Variants in RARB observed in about 807,000 individuals in gnomAD.
The protein encoded by RARB is retinoic acid receptor beta, also known as HBV-activated protein.
Under a neutral mutation model 51.9 loss-of-function variants are expected in RARB, and 17 were observed. That is an observed-to-expected ratio of 0.33 (90% CI 0.22 to 0.49). The LOEUF (loss-of-function observed/expected upper bound fraction) is 0.49, where lower values mean the gene tolerates loss of function less well. RARB is among the 20% of genes least tolerant of loss of function. The pLI, the probability that RARB is intolerant of heterozygous loss-of-function variation, is 0.99. For synonymous variants in RARB, 215 were observed against 195.4 expected (o/e 1.10, Z -0.84); for missense variants, 369 against 550.8 (o/e 0.67, Z 3.30).
chr3:25,051,190 T>A (rs1371514180), intron 2 of RARB, among the ~76,000 whole-genome samples: 1 of 152,110 alleles, frequency 6.6e-6, no homozygotes, highest in African/African-American at 2.4e-5. Context: ...AAGCAGGTGT[T>A]GAGATAAAGC....
intron 3 of RARB, among the ~76,000 whole-genome samples, chr3:25,535,399 G>C (rs1699098340): frequency 6.8e-6 from 1 of 147,392 alleles, no homozygotes; most frequent in African/African-American, 2.6e-5. Flanking sequence ...TCATGTCTCT[G>C]TGTCCTTATC....
intron 1 of RARB, among the ~76,000 whole-genome samples, chr3:24,830,807 G>C (rs554494379): frequency 1.3e-5 from 2 of 151,926 alleles, no homozygotes; most frequent in Non-Finnish European, 2.9e-5. Context: ...ATAAGAAACC[G>C]AATGGGAGAG....
intron 1 of RARB, among the ~76,000 whole-genome samples, chr3:25,450,182 A>G (rs959692702): frequency 6.6e-6 from 1 of 152,140 alleles, no homozygotes; most frequent in Non-Finnish European, 1.5e-5. Flanking sequence ...ACTATTGTTG[A>G]AATGTTTGAC....
intron 3 of RARB, among the ~76,000 whole-genome samples, chr3:25,070,395 T>A (rs1489557160): frequency 6.6e-6 from 1 of 152,156 alleles, no homozygotes; most frequent in African/African-American, 2.4e-5. Flanking sequence ...ACTGTGACTA[T>A]TAGCGATATT....
chr3:25,063,605 C>A (rs1447314421), intron 3 of RARB, among the ~76,000 whole-genome samples: 1 of 151,852 alleles, frequency 6.6e-6, no homozygotes, highest in African/African-American at 2.4e-5. Flanking sequence ...AAGGCAAAAT[C>A]TATGCCGGTG....
intron 5 of RARB, among the ~76,000 whole-genome samples, chr3:25,299,106 A>AG (rs1267182266): frequency 6.6e-6 from 1 of 152,156 alleles, no homozygotes; most frequent in Admixed American, 6.5e-5. Context: ...TAATGTAAAA[A>AG]CTGTTTATTA....
intron 5 of RARB, among the ~76,000 whole-genome samples, chr3:25,318,882 T>C (rs888090128): frequency 6.6e-6 from 1 of 152,188 alleles, no homozygotes; most frequent in African/African-American, 2.4e-5. Flanking sequence ...TAATGTCCTT[T>C]TCTCTGTGTG....
chr3:25,100,589 T>C (rs1284382968), intron 3 of RARB, among the ~76,000 whole-genome samples: 1 of 152,184 alleles, frequency 6.6e-6, no homozygotes, highest in Non-Finnish European at 1.5e-5. Flanking sequence ...TTATTTTATG[T>C]TTCCACTGAT....
chr3:25,348,729 A>G (rs1705471881), intron 5 of RARB, among the ~76,000 whole-genome samples: 1 of 152,236 alleles, frequency 6.6e-6, no homozygotes, highest in African/African-American at 2.4e-5. Flanking sequence ...TCTAAAAATT[A>G]AAAACAGAAG....
chr3:25,014,845 A>G (rs1697474866), intron 2 of RARB, among the ~76,000 whole-genome samples: 1 of 152,040 alleles, frequency 6.6e-6, no homozygotes, highest in Non-Finnish European at 1.5e-5. Context: ...ATAATTAGGC[A>G]GAAAAAAAAA....
chr3:25,369,912 T>A (rs1706247078), intron 5 of RARB, among the ~76,000 whole-genome samples: 1 of 151,280 alleles, frequency 6.6e-6, no homozygotes, highest in African/African-American at 2.4e-5. Flanking sequence ...AGAGTGAAAC[T>A]GTCTCAGAAA....
At chr3:25,393,880 C>G (rs911986790) in intron 5 of RARB, among the ~76,000 whole-genome samples, 4 of 151,768 alleles carry the variant, frequency 2.6e-5, no homozygotes, top group African/African-American at 9.7e-5. Context: ...TTTTTTCTAT[C>G]TTTTGTATTT....
chr3:24,878,646 C>G (rs1703097212), intron 2 of RARB, among the ~76,000 whole-genome samples: 1 of 152,096 alleles, frequency 6.6e-6, no homozygotes, highest in South Asian at 2.1e-4. Context: ...CCACTAGATG[C>G]CATAAGCACC....
rs995975824 is a variant in RARB, at chr3:25,522,003, CA to C, written c.448+20681del. Among the ~76,000 whole-genome samples the C allele has an allele frequency of 1.5e-3, 217 of 143,814 alleles. 1 individual carries two copies. Among genetic ancestry groups the C allele is most frequent in the African/African-American group, 6.2e-3 (212 of 34,132 alleles). 94.3% of individuals were successfully genotyped at this position (143,814 alleles called of 152,430 possible). On this transcript the variant is annotated intron_variant, in intron 3 of 7. Coordinates refer to ENST00000330688, the MANE Select transcript of RARB (RefSeq NM_000965.5). The stretch of plus-strand genomic sequence containing the variant: ...CTCTTGCTGCTTTTTTCTCATATGT[CA>C]CCTTTTTATATGGGGATCTCTGAAC...
At chr3:24,987,058 A>G (rs1362582059) in intron 2 of RARB, among the ~76,000 whole-genome samples, 2 of 152,200 alleles carry the variant, frequency 1.3e-5, no homozygotes, top group Non-Finnish European at 2.9e-5. Flanking sequence ...AAACAATCTA[A>G]TTTAATCACT....
chr3:24,872,606 G>T (rs940682985), intron 2 of RARB, among the ~76,000 whole-genome samples: 1 of 152,080 alleles, frequency 6.6e-6, no homozygotes, highest in Non-Finnish European at 1.5e-5. Context: ...AGAGAGGGAG[G>T]AGGGGGTGCC....
At chr3:24,876,138 A>C (rs540762470) in intron 2 of RARB, among the ~76,000 whole-genome samples, 11 of 152,216 alleles carry the variant, frequency 7.2e-5, no homozygotes, top group Non-Finnish European at 1.6e-4. Context: ...ATTACTGATA[A>C]CTTTCATCAC....
chr3:25,453,031 G>C (rs1049737098), intron 1 of RARB, among the ~76,000 whole-genome samples: 16 of 152,134 alleles, frequency 1.1e-4, no homozygotes, highest in Non-Finnish European at 2.9e-5. Flanking sequence ...TAACAAGGTG[G>C]AGTATTTAGT....
chr3:25,145,770 T>C (rs1391617983), intron 4 of RARB, among the ~76,000 whole-genome samples: 2 of 151,984 alleles, frequency 1.3e-5, no homozygotes. Flanking sequence ...GCACTTTGGG[T>C]GGCTCACCTG....
Sources: allele counts gnomAD v4.1 joint callset (sites outside exome capture counted in the v4.1 genomes callset), GRCh38; gene constraint gnomAD v4.1.1; transcripts MANE v1.5; gene names NCBI Gene and HGNC (gene_info 2026-07-23, HGNC 2026-07-21).